OPCML: variants seen among roughly 807,000 people sequenced by gnomAD.
The protein encoded by OPCML is opioid-binding protein/cell adhesion molecule.
A neutral mutation model predicts 37.8 loss-of-function variants in OPCML; 13 were observed. The ratio of observed to expected loss-of-function variants is 0.34; its 90% CI spans 0.22 to 0.55. OPCML has a LOEUF of 0.55. Ranked by LOEUF, OPCML falls within the 20% of genes least tolerant of loss-of-function variation. The probability of loss-of-function intolerance (pLI) is 0.91; values close to 1 mark genes in which losing one functional copy is unlikely to be tolerated. For missense variants in OPCML, 341 were observed against 435.6 expected (o/e 0.78, Z 1.93); for synonymous variants, 176 against 168.8 (o/e 1.04, Z -0.33).
chr11:132,417,562 A>G lies in OPCML; in HGVS notation c.*2631T>C, dbSNP rs1359964453. ...CTTGTTGGGTTGAGAGGTTCTGATG[A>G]TCTTGGCCAAAGGAGCATGGACCCT... On this transcript the variant is annotated 3_prime_UTR_variant, in exon 8 of 8. Transcript: ENST00000524381. 1 of 152,172 alleles carries G rather than the reference A, an allele frequency of 6.6e-6. No homozygotes were observed. The highest frequency in any genetic ancestry group is 1.9e-4 in the East Asian group (1 of 5,186). The allele number at this position is 152,172 out of a possible 1,614,324, so 9.4% of individuals were successfully genotyped here. A position where few individuals can be genotyped will look rare whatever the true frequency, so the allele number is the denominator to read the frequency against.
At chr11:132,607,194 T>C (rs1394052990) in intron 3 of OPCML, among the ~76,000 whole-genome samples, 1 of 152,208 alleles carries the variant, frequency 6.6e-6, no homozygotes, top group Non-Finnish European at 1.5e-5. Context: ...GTTGTTGCTG[T>C]TACTGTGAAC....
chr11:133,447,378 C>T (rs927872474), intron 1 of OPCML, among the ~76,000 whole-genome samples: 1 of 152,096 alleles, frequency 6.6e-6, no homozygotes, highest in Non-Finnish European at 1.5e-5. Context: ...ATAAATTTAA[C>T]TTTTATTTTA....
At chr11:132,600,068 A>G (rs1937746690) in intron 3 of OPCML, among the ~76,000 whole-genome samples, 1 of 152,226 alleles carries the variant, frequency 6.6e-6, no homozygotes, top group African/African-American at 2.4e-5. Flanking sequence ...CAGGATCTGG[A>G]GCCCACAGCA....
intron 1 of OPCML, among the ~76,000 whole-genome samples, chr11:133,033,607 A>G (rs1256863315): frequency 1.3e-5 from 2 of 152,224 alleles, no homozygotes; most frequent in Non-Finnish European, 2.9e-5. Context: ...TGGTCTTTAT[A>G]TAATAGCTGT....
At chr11:133,058,261 C>T (rs75859271) in intron 1 of OPCML, among the ~76,000 whole-genome samples, 2 of 152,082 alleles carry the variant, frequency 1.3e-5, no homozygotes, top group East Asian at 1.9e-4. Context: ...AAGAAATCAC[C>T]GAGAGGTGAC....
intron 2 of OPCML, among the ~76,000 whole-genome samples, chr11:132,924,502 TG>T (rs1820183839): frequency 1.3e-5 from 2 of 152,220 alleles, no homozygotes; most frequent in Non-Finnish European, 2.9e-5. Flanking sequence ...GATCAATTTT[TG>T]TTTGTCTGAG....
At chr11:132,744,297 C>A (rs1215063669) in intron 2 of OPCML, among the ~76,000 whole-genome samples, 1 of 152,202 alleles carries the variant, frequency 6.6e-6, no homozygotes, top group South Asian at 2.1e-4. Flanking sequence ...TCCATTGACC[C>A]CAGCTGAAGT....
intron 3 of OPCML, among the ~76,000 whole-genome samples, chr11:132,542,129 ACTC>A: frequency 6.6e-6 from 1 of 152,042 alleles, no homozygotes; most frequent in Non-Finnish European, 1.5e-5. Flanking sequence ...ACCAGCCTGT[ACTC>A]CTCAGCTTCT....
At chr11:132,609,111 G>T (rs117162617) in intron 3 of OPCML, among the ~76,000 whole-genome samples, 1 of 150,918 alleles carries the variant, frequency 6.6e-6, no homozygotes, top group East Asian at 2.0e-4. Flanking sequence ...TCTTTAATTC[G>T]TGTTTCTCAT....
intron 2 of OPCML, among the ~76,000 whole-genome samples, chr11:132,809,923 C>A (rs1310160230): frequency 6.6e-6 from 1 of 152,172 alleles, no homozygotes; most frequent in African/African-American, 2.4e-5. Flanking sequence ...GATCTCGGCT[C>A]ACTGCAGGCT....
intron 2 of OPCML, among the ~76,000 whole-genome samples, chr11:132,938,271 T>G (rs1417688205): frequency 6.6e-6 from 1 of 151,902 alleles, no homozygotes; most frequent in Non-Finnish European, 1.5e-5. Flanking sequence ...AGACTAACCA[T>G]AACCACACAT....
chr11:132,699,262 G>A (rs776182322), intron 2 of OPCML, among the ~76,000 whole-genome samples: 1 of 151,908 alleles, frequency 6.6e-6, no homozygotes, highest in Admixed American at 6.6e-5. Context: ...GGAGGCTTTG[G>A]CATTTTCTAT....
chr11:133,467,853 G>A (rs546763471), intron 1 of OPCML, among the ~76,000 whole-genome samples: 5 of 152,268 alleles, frequency 3.3e-5, no homozygotes, highest in Admixed American at 3.3e-4. Flanking sequence ...TTCTGCTGTT[G>A]GGACCTTGGA....
chr11:132,541,945 G>A (rs2096357640), intron 3 of OPCML, among the ~76,000 whole-genome samples: 1 of 152,188 alleles, frequency 6.6e-6, no homozygotes, highest in African/African-American at 2.4e-5. Flanking sequence ...CTGAGAAGTA[G>A]GTCATACCAA....
rs540457580 is a variant in OPCML at position 133,185,317 on chromosome 11, T to C, written c.62-242307A>G. 7.9e-5 allele frequency among the ~76,000 whole-genome samples: 12 copies of C among 152,346 alleles called. No individual in the cohort carries two copies. The South Asian group carries it at 2.5e-3, about 32-fold the overall frequency. On this transcript the variant is annotated intron_variant, in intron 1 of 7. Coordinates refer to ENST00000524381, the MANE Select transcript of OPCML (RefSeq NM_001012393.5). The stretch of plus-strand genomic sequence containing the variant: ...TGATTTCCCACACTAAAAGGTCTTT[T>C]ATTACCAACCATCAACACCATAATA...
intron 1 of OPCML, among the ~76,000 whole-genome samples, chr11:132,967,756 T>A (rs1489486015): frequency 5.9e-5 from 9 of 152,204 alleles, no homozygotes; most frequent in Admixed American, 5.9e-4. Context: ...TCAATTTAAA[T>A]TACTCTCTAG....
intron 1 of OPCML, among the ~76,000 whole-genome samples, chr11:132,985,142 A>G (rs1239204496): frequency 6.6e-6 from 1 of 152,154 alleles, no homozygotes; most frequent in African/African-American, 2.4e-5. Flanking sequence ...CCTGTGTTCA[A>G]TTCTTATTGT....
At chr11:132,703,401 C>T (rs1381733753) in intron 2 of OPCML, among the ~76,000 whole-genome samples, 1 of 152,178 alleles carries the variant, frequency 6.6e-6, no homozygotes, top group African/African-American at 2.4e-5. Flanking sequence ...TGTTGCTGTC[C>T]AGTGTATGAC....
rs1252645107 is a variant in OPCML, at chr11:133,005,508, G to A, written c.62-62498C>T. On this transcript the variant is annotated intron_variant, in intron 1 of 7. Transcript: ENST00000524381. ...GGTAGGGCAGGTCATATTTGGTAGA[G>A]TGAGTGCAGCTTATCTCCTCTGCAT... 4.1e-6 allele frequency: 4 copies of A among 985,226 alleles called. No individual in the cohort carries two copies. In the Admixed American group the frequency reaches 1.8e-4, roughly 45 times the overall value. 61.0% of individuals were successfully genotyped at this position (985,226 alleles called of 1,614,324 possible). A position where few individuals can be genotyped will look rare whatever the true frequency, so the allele number is the denominator to read the frequency against.
Sources: allele counts gnomAD v4.1 joint callset (sites outside exome capture counted in the v4.1 genomes callset), GRCh38; gene constraint gnomAD v4.1.1; transcripts MANE v1.5; gene names NCBI Gene and HGNC (gene_info 2026-07-23, HGNC 2026-07-21).